Variants in DLGAP2 observed in about 807,000 individuals in gnomAD.
DLGAP2 encodes the protein disks large-associated protein 2.
DLGAP2 carries 26 observed loss-of-function variants against 100.3 expected under a neutral mutation model. The observed-to-expected ratio is 0.26, with a 90% CI of 0.19 to 0.36. The LOEUF (loss-of-function observed/expected upper bound fraction) is 0.36. Among genes scored for constraint, DLGAP2 ranks in the 10% least tolerant of loss-of-function variants. The pLI, the probability that DLGAP2 is intolerant of heterozygous loss-of-function variation, is 1.00. For synonymous variants in DLGAP2, 886 were observed against 630.1 expected (o/e 1.41, Z -6.08); for missense variants, 1,858 against 1,453.2 (o/e 1.28, Z -4.53).
chr8:774,103 G>C (rs1473845454), intron 1 of DLGAP2, among the ~76,000 whole-genome samples: 1 of 152,182 alleles, frequency 6.6e-6, no homozygotes, highest in African/African-American at 2.4e-5. Flanking sequence ...GGCCAGTGAC[G>C]ATGAGCATTT....
chr8:1,107,939 C>T (rs916875835), intron 2 of DLGAP2, among the ~76,000 whole-genome samples: 1 of 152,148 alleles, frequency 6.6e-6, no homozygotes, highest in Non-Finnish European at 1.5e-5. Flanking sequence ...CAGAACGTAA[C>T]CCTGGGTTGT....
At chr8:833,876 G>C (rs1796825295) in intron 1 of DLGAP2, among the ~76,000 whole-genome samples, 1 of 152,176 alleles carries the variant, frequency 6.6e-6, no homozygotes, top group East Asian at 1.9e-4. Flanking sequence ...AACATGACAG[G>C]TTGGATTATC....
intron 2 of DLGAP2, among the ~76,000 whole-genome samples, chr8:1,129,728 T>C (rs1796246223): frequency 6.6e-6 from 1 of 152,170 alleles, no homozygotes; most frequent in Non-Finnish European, 1.5e-5. Context: ...CGTTGTACCT[T>C]TTCACATGTT....
chr8:958,986 C>T (rs1404675076), intron 2 of DLGAP2, among the ~76,000 whole-genome samples: 1 of 152,128 alleles, frequency 6.6e-6, no homozygotes, highest in African/African-American at 2.4e-5. Flanking sequence ...GAAGATTATG[C>T]AGCAACAAAA....
intron 1 of DLGAP2, among the ~76,000 whole-genome samples, chr8:874,066 T>C (rs2128992132): frequency 6.6e-6 from 1 of 152,270 alleles, no homozygotes; most frequent in Admixed American, 6.5e-5. Context: ...TACCCCTCTT[T>C]CATCTGATTC....
chr8:1,355,237 G>A (rs910338050), intron 3 of DLGAP2, among the ~76,000 whole-genome samples: 21 of 152,290 alleles, frequency 1.4e-4, no homozygotes, highest in Admixed American at 4.6e-4. Flanking sequence ...TGACACCTGC[G>A]TGCCAGTGTG....
intron 1 of DLGAP2, among the ~76,000 whole-genome samples, chr8:848,245 G>T (rs552039892): frequency 2.6e-5 from 4 of 152,180 alleles, no homozygotes; most frequent in Admixed American, 6.5e-5. Flanking sequence ...TTTATAAATT[G>T]CTGAGTAGTA....
intron 2 of DLGAP2, among the ~76,000 whole-genome samples, chr8:1,179,030 C>G (rs1288827581): frequency 6.6e-6 from 1 of 152,218 alleles, no homozygotes; most frequent in African/African-American, 2.4e-5. Flanking sequence ...AAACTCCCAG[C>G]TTCTATAAGG....
intron 1 of DLGAP2, among the ~76,000 whole-genome samples, chr8:826,842 G>A (rs1275051829): frequency 1.3e-5 from 2 of 152,190 alleles, no homozygotes; most frequent in African/African-American, 2.4e-5. Flanking sequence ...ATTTGAGGAA[G>A]GAGAGAGAAG....
intron 3 of DLGAP2, among the ~76,000 whole-genome samples, chr8:1,384,367 G>A (rs528992827): frequency 1.4e-5 from 2 of 147,554 alleles, no homozygotes; most frequent in South Asian, 4.4e-4. Context: ...TTGGTGCACA[G>A]TTACCCCGGC....
intron 1 of DLGAP2, among the ~76,000 whole-genome samples, chr8:761,199 T>G (rs900127588): frequency 1.3e-5 from 2 of 152,126 alleles, no homozygotes; most frequent in Admixed American, 6.5e-5. Context: ...CCACTTTACT[T>G]TCTCCTCTGC....
chr8:934,579 G>C (rs886545058), intron 2 of DLGAP2, among the ~76,000 whole-genome samples: 6 of 152,178 alleles, frequency 3.9e-5, no homozygotes, highest in Non-Finnish European at 5.9e-5. Flanking sequence ...GGAAGCGAGT[G>C]CTCACTTCTG....
intron 3 of DLGAP2, among the ~76,000 whole-genome samples, chr8:1,476,079 T>C (rs1798921816): frequency 6.6e-6 from 1 of 152,136 alleles, no homozygotes; most frequent in Non-Finnish European, 1.5e-5. Context: ...CTGTTGGGAT[T>C]ATAGGGCGTA....
At chr8:965,733 G>C (rs1285753549) in intron 2 of DLGAP2, among the ~76,000 whole-genome samples, 10 of 136,104 alleles carry the variant, frequency 7.3e-5, no homozygotes, top group African/African-American at 2.8e-4. Flanking sequence ...ACACGGCACT[G>C]TTCACCTCAC....
At chr8:1,645,405 A>C (rs565411795) in intron 8 of DLGAP2, among the ~76,000 whole-genome samples, 8 of 152,330 alleles carry the variant, frequency 5.3e-5, no homozygotes, top group African/African-American at 1.7e-4. Context: ...TTATGAGCTT[A>C]TTAGGAGTAG....
intron 2 of DLGAP2, among the ~76,000 whole-genome samples, chr8:1,049,690 C>G (rs1483700659): frequency 6.6e-6 from 1 of 152,050 alleles, no homozygotes; most frequent in Admixed American, 6.5e-5. Flanking sequence ...CAGACCCATG[C>G]ATGCGTGGAT....
intron 1 of DLGAP2, among the ~76,000 whole-genome samples, chr8:872,118 T>C (rs1797610238): frequency 6.6e-6 from 1 of 152,294 alleles, no homozygotes; most frequent in Admixed American, 6.5e-5. Context: ...TTCTTTATGC[T>C]ATGTGTGTAT....
intron 1 of DLGAP2, among the ~76,000 whole-genome samples, chr8:881,758 C>A (rs970026977): frequency 1.3e-5 from 2 of 150,592 alleles, no homozygotes; most frequent in Admixed American, 6.6e-5. Flanking sequence ...ACCTTGTGAT[C>A]CACCCGCCTC....
intron 2 of DLGAP2, among the ~76,000 whole-genome samples, chr8:1,159,967 G>C (rs1796858364): frequency 6.6e-6 from 1 of 152,164 alleles, no homozygotes; most frequent in African/African-American, 2.4e-5. Flanking sequence ...TCACCTGAAA[G>C]GTCTTGGCGT....
Sources: allele counts gnomAD v4.1 joint callset (sites outside exome capture counted in the v4.1 genomes callset), GRCh38; gene constraint gnomAD v4.1.1; transcripts MANE v1.5; gene names NCBI Gene and HGNC (gene_info 2026-07-23, HGNC 2026-07-21).